Variants in LYRM4 observed in about 807,000 individuals in gnomAD.
LYRM4 encodes the protein LYR motif containing 4.
LYRM4 carries 9 observed loss-of-function variants against 11.7 expected under a neutral mutation model. That is an observed-to-expected ratio of 0.77 (90% CI 0.46 to 1.34). The LOEUF is 1.34. LYRM4 is among the 40% of genes most tolerant of loss of function. The probability of loss-of-function intolerance (pLI) is 0.00; values close to 1 mark genes in which losing one functional copy is unlikely to be tolerated. For synonymous variants in LYRM4, 42 were observed against 40.4 expected, an observed-to-expected ratio of 1.04 and a Z score of -0.15; for missense variants, 133 against 112.5, an observed-to-expected ratio of 1.18 and a Z score of -0.82.
At chr6:5,050,211 G>T in the LYRM4 span, among the ~76,000 whole-genome samples, 5 of 152,244 alleles carry the variant, frequency 3.3e-5, no homozygotes, top group African/African-American at 1.2e-4. Flanking sequence ...GTGGTAAATT[G>T]TGGTTGATTT....
the LYRM4 span, chr6:5,085,918 G>A: frequency 3.3e-6 from 5 of 1,530,360 alleles, no homozygotes; most frequent in Non-Finnish European, 4.4e-6. Flanking sequence ...CCTGGCCAGC[G>A]TGAAGCACTT....
chr6:5,150,240 T>C (rs1385906498), intron 2 of LYRM4, among the ~76,000 whole-genome samples: 1 of 152,224 alleles, frequency 6.6e-6, no homozygotes, highest in Non-Finnish European at 1.5e-5. Flanking sequence ...GGACCTTTAT[T>C]CTCAAAGTTT....
intron 1 of LYRM4, among the ~76,000 whole-genome samples, chr6:5,221,316 T>C (rs1762565955): frequency 6.6e-6 from 1 of 152,228 alleles, no homozygotes; most frequent in South Asian, 2.1e-4. Context: ...GTCCAGACCT[T>C]CCTTCTGAGG....
the LYRM4 span, among the ~76,000 whole-genome samples, chr6:5,068,652 G>A: frequency 6.6e-6 from 1 of 152,124 alleles, no homozygotes; most frequent in Admixed American, 6.5e-5. This position sits in a 1 kb window ranked among gnomAD's most constrained non-coding sequence, Gnocchi z 4.0. Context: ...ACTTAATCCC[G>A]TTGGAAAGGG....
intron 2 of LYRM4, among the ~76,000 whole-genome samples, chr6:5,144,686 G>T (rs1757613762): frequency 1.4e-5 from 2 of 147,032 alleles, no homozygotes; most frequent in African/African-American, 2.5e-5. Flanking sequence ...TCCAAACCGG[G>T]TATTTAATCA....
the LYRM4 span, among the ~76,000 whole-genome samples, chr6:5,037,945 A>C: frequency 2.3e-5 from 1 of 43,400 alleles, no homozygotes; most frequent in African/African-American, 6.6e-5. Context: ...CGGGGGGCTG[A>C]CCGCCCCCCA....
chr6:5,192,027 G>A (rs150973077), intron 2 of LYRM4, among the ~76,000 whole-genome samples: 4 of 152,314 alleles, frequency 2.6e-5, no homozygotes, highest in African/African-American at 7.2e-5. Flanking sequence ...GAGAGCTAAT[G>A]CATGCAATGC....
intron 1 of LYRM4, among the ~76,000 whole-genome samples, chr6:5,217,241 C>G (rs1323694294): frequency 1.3e-5 from 2 of 152,216 alleles, no homozygotes; most frequent in African/African-American, 4.8e-5. Flanking sequence ...GTCCTTGTCC[C>G]ATATTCTGGC....
intron 2 of LYRM4, among the ~76,000 whole-genome samples, chr6:5,202,164 T>C (rs1199317746): frequency 6.6e-6 from 1 of 152,276 alleles, no homozygotes; most frequent in Non-Finnish European, 1.5e-5. Context: ...ATTTTTATAA[T>C]GAATTTGTGT....
At chr6:5,218,306 A>C in intron 1 of LYRM4, 1 of 985,308 alleles carries the variant, frequency 1.0e-6, no homozygotes, top group Non-Finnish European at 1.2e-6. Context: ...CAACAGAAGA[A>C]TGGAAATACA....
the LYRM4 span, among the ~76,000 whole-genome samples, chr6:5,071,845 A>G: frequency 2.0e-5 from 3 of 152,102 alleles, no homozygotes; most frequent in African/African-American, 4.8e-5. Flanking sequence ...GGGTTTCACC[A>G]TGTTGGCCAG....
chr6:5,076,183 T>G, the LYRM4 span, among the ~76,000 whole-genome samples: 1 of 152,130 alleles, frequency 6.6e-6, no homozygotes, highest in Non-Finnish European at 1.5e-5. Context: ...TGGGCTCAAG[T>G]GATCCACCCG....
At chr6:5,199,763 C>T (rs756047505) in intron 2 of LYRM4, among the ~76,000 whole-genome samples, 3 of 152,190 alleles carry the variant, frequency 2.0e-5, no homozygotes, top group African/African-American at 4.8e-5. Flanking sequence ...TTAAGCTGTG[C>T]CATCCAGTTC....
In LYRM4 at chr6:5,143,314, GCA is replaced by G. The variant is rs1298375059; in HGVS notation, c.208-33825_208-33824del. On this transcript the variant is annotated intron_variant, in intron 2 of 2. Transcript: ENST00000330636. Reference sequence around the variant, plus strand: ...CCAGTGACTTATGGCAACCTCTGGGGCACAGTTTCGCCACTGGGGATGGTCTT... The same window carrying G: ...CCAGTGACTTATGGCAACCTCTGGGGCAGTTTCGCCACTGGGGATGGTCTT... Among the ~76,000 whole-genome samples the G allele has an allele frequency of 2.0e-5, 3 of 152,182 alleles. No individual in the cohort carries two copies. In the East Asian group the frequency reaches 5.8e-4, roughly 29 times the overall value.
At chr6:5,217,283 A>T (rs1252725022) in intron 1 of LYRM4, among the ~76,000 whole-genome samples, 1 of 152,202 alleles carries the variant, frequency 6.6e-6, no homozygotes, top group East Asian at 1.9e-4. Context: ...CCACATTAGG[A>T]TCCCACCACA....
intron 1 of LYRM4, among the ~76,000 whole-genome samples, chr6:5,236,009 C>T (rs1763517531): frequency 6.6e-6 from 1 of 152,134 alleles, no homozygotes; most frequent in African/African-American, 2.4e-5. Flanking sequence ...TCTATGTCAA[C>T]AAAACTATGA....
the LYRM4 span, among the ~76,000 whole-genome samples, chr6:5,098,302 G>C: frequency 6.6e-6 from 1 of 152,208 alleles, no homozygotes; most frequent in African/African-American, 2.4e-5. Context: ...GGTAGGGCAG[G>C]CCCAGCAGGC....
At chr6:5,250,642 G>A (rs902915480) in intron 1 of LYRM4, among the ~76,000 whole-genome samples, 1 of 152,178 alleles carries the variant, frequency 6.6e-6, no homozygotes, top group African/African-American at 2.4e-5. Context: ...GAGCATTGTT[G>A]AAGAGGTCAG....
At chr6:5,120,535 C>A (rs1283039701) in intron 2 of LYRM4, among the ~76,000 whole-genome samples, 3 of 152,198 alleles carry the variant, frequency 2.0e-5, no homozygotes, top group East Asian at 3.8e-4. Flanking sequence ...GGAACAAAGT[C>A]TCCACAGCGT....
Sources: gnomAD v4.1 joint callset for allele counts (sites outside exome capture counted in the v4.1 genomes callset) on GRCh38, gnomAD v4.1.1 for gene constraint, Gnocchi (gnomAD v3.1) non-coding constraint, MANE v1.5 for transcripts, NCBI Gene and HGNC (gene_info 2026-07-23, HGNC 2026-07-21) for gene names.